HTRA2: variants seen among roughly 807,000 people sequenced by gnomAD.
HTRA2 encodes the protein serine protease HTRA2, mitochondrial.
Under a neutral mutation model 42.2 loss-of-function variants are expected in HTRA2, and 24 were observed. The observed-to-expected ratio is 0.57, with a 90% CI of 0.41 to 0.80. HTRA2 has a LOEUF of 0.80. HTRA2 is among the 30% of genes least tolerant of loss of function. HTRA2 has a pLI of 0.00. For missense variants in HTRA2, 466 were observed against 613.5 expected, an observed-to-expected ratio of 0.76 and a Z score of 2.54; for synonymous variants, 245 against 255.8, an observed-to-expected ratio of 0.96 and a Z score of 0.40.
At chr2:74,532,793 T>C in intron 7 of HTRA2, 27 bp from the exon 8 acceptor site, 2 of 1,614,102 alleles carry the variant, frequency 1.2e-6, no homozygotes, top group Non-Finnish European at 8.5e-7. Context: ...TACTCCTTCC[T>C]TTCTCTCTGT....
At chr2:74,531,269 A>G (rs750429164) in intron 3 of HTRA2, 70 bp from the exon 4 acceptor site, 38 of 1,582,216 alleles carry the variant, frequency 2.4e-5, no homozygotes, top group Non-Finnish European at 3.3e-5. Context: ...TGGAGAAAGT[A>G]CCTACATCCT....
At position 74,530,448 on chromosome 2, in the gene HTRA2, A is replaced by G; in HGVS notation, c.442A>G (p.Asn148Asp). The stretch of plus-strand genomic sequence containing the variant: ...GCCCGCTTCTCCCCGGAGTCAGTAC[A>G]ACTTCATCGCAGATGTGGTGGAGAA... ...PPPASPRSQYNFIADVVEKTA... is the reference protein window; with the variant it reads ...PPPASPRSQYDFIADVVEKTA... Residue 148 changes from asparagine to aspartate, a missense_variant, in exon 1 of 8, where the codon AAC becomes GAC. Transcript: ENST00000258080. This position sits in a 1 kb window ranked among gnomAD's most constrained non-coding sequence, Gnocchi z 7.4. 5 of 1,606,312 alleles carry G rather than the reference A, an allele frequency of 3.1e-6. No homozygotes were observed. The highest frequency in any genetic ancestry group is 4.2e-6 in the Non-Finnish European group (5 of 1,179,906).
Position 74,532,922 on chromosome 2 carries a change from A to G in HTRA2, c.1314A>G (p.Ala438=). The change falls in exon 8 of 8, where the codon GCA becomes GCG. Residue 438 remains alanine, a synonymous_variant. Coordinates refer to ENST00000258080, the MANE Select transcript of HTRA2 (RefSeq NM_013247.5). ...YEAVRTQSQL[A]VQIRRGRETL... ...CTGTTCGAACCCAATCCCAGTTGGC[A>G]GTGCAGATCCGGCGGGGACGAGAAA... 6.2e-7 allele frequency: 1 copy of G among 1,614,148 alleles called. No individual in the cohort carries two copies. Among genetic ancestry groups the G allele is most frequent in the Non-Finnish European group, 8.5e-7 (1 of 1,180,020 alleles).
chr2:74,529,652 G>GGCCGTC (rs1675425536), upstream of HTRA2: 3 of 1,548,066 alleles, frequency 1.9e-6, no homozygotes, highest in African/African-American at 2.7e-5. Flanking sequence ...AGGAGCGCCC[G>GGCCGTC]GCCGTCGCCG....
intron 6 of HTRA2, 71 bp downstream of exon 6, chr2:74,531,996 T>C: frequency 1.4e-6 from 2 of 1,381,336 alleles, no homozygotes; most frequent in South Asian, 2.4e-5. Context: ...TATTGAGCTT[T>C]GTTCTCATTT....
downstream of HTRA2, chr2:74,533,453 G>A (rs923782913): frequency 3.1e-6 from 2 of 651,072 alleles, no homozygotes; most frequent in African/African-American, 3.6e-5. Flanking sequence ...TCTGAAGGAG[G>A]GTGAAAACTT....
At chr2:74,531,142 G>A in intron 3 of HTRA2, 37 bp downstream of exon 3, 1 of 1,604,664 alleles carries the variant, frequency 6.2e-7, no homozygotes, top group Non-Finnish European at 8.5e-7. Context: ...AAATGATGGG[G>A]GAGGGGGGAG....
rs1363537856 is a variant in HTRA2 at position 74,531,693 on chromosome 2, G to A, written c.1036G>A (p.Glu346Lys). The change falls in exon 5 of 8, where the codon GAA (glutamate) becomes AAA (lysine). Residue 346 changes from glutamate (E) to lysine (K), a missense_variant. Glu to Lys is a moderately conservative substitution (Grantham distance 56). Transcript: ENST00000258080. ...DRLREFLHRGEKKNSSSGISG... is the reference protein window; with the variant it reads ...DRLREFLHRGKKKNSSSGISG... ...TCTTCGAGAGTTTCTGCATCGTGGGGAAAAGAAGAGTGAGCCTGCCTTATG... is the reference window on the plus strand; with the variant it reads ...TCTTCGAGAGTTTCTGCATCGTGGGAAAAAGAAGAGTGAGCCTGCCTTATG... The A allele has an allele frequency of 6.2e-7, 1 of 1,614,074 alleles. No homozygotes were observed. Among genetic ancestry groups the A allele is most frequent in the Admixed American group, 1.7e-5 (1 of 60,024 alleles).
Position 74,530,010 on chromosome 2 carries a change from G to T in HTRA2, c.4G>T (p.Ala2Ser). ...GGAGGCAGCCAAGGCGGAGCTGATGGCTGCGCCGAGGGCGGGGCGGGGTGC... is the reference window on the plus strand; with the variant it reads ...GGAGGCAGCCAAGGCGGAGCTGATGTCTGCGCCGAGGGCGGGGCGGGGTGC... MAAPRAGRGAGW... is the reference protein window; with the variant it reads MSAPRAGRGAGW... Residue 2 changes from alanine (A) to serine (S), a missense_variant, in exon 1 of 8, where the codon GCT becomes TCT. This residue lies in a region of HTRA2 where 222 missense variants were observed against 205.1 expected (regional missense o/e 1.08). Transcript: ENST00000258080. The surrounding 1 kb of genome is among the most constrained non-coding windows in gnomAD (Gnocchi z 7.4). 1 of 1,537,256 alleles carries T rather than the reference G, an allele frequency of 6.5e-7. No individual in the cohort carries two copies. Among genetic ancestry groups the T allele is most frequent in the Non-Finnish European group, 8.8e-7 (1 of 1,138,142 alleles).
In HTRA2 at chr2:74,532,662, G is replaced by A; in HGVS notation, c.1159G>A (p.Val387Ile). Residue 387 changes from valine (V) to isoleucine (I), a missense_variant, in exon 7 of 8, where the codon GTT becomes ATT. Val to Ile is a conservative substitution (Grantham distance 29). This residue lies in a region of HTRA2 where 129 missense variants were observed against 163.1 expected (regional missense o/e 0.79). Transcript: ENST00000258080. ...LQLREPSFPD[V>I]QHGVLIHKVI... ...GCTTCGAGAACCAAGCTTTCCCGAT[G>A]TTCAGCATGGTGTACTCATCCATAA... The A allele has an allele frequency of 6.2e-7, 1 of 1,613,792 alleles. No homozygotes were observed.
At position 74,533,279 on chromosome 2, in the gene HTRA2, G is replaced by A. The variant is rs1675759022; in HGVS notation, c.*294G>A. ...TAAACTTAGGGGAGATACTGGAGCT[G>A]ACCATCCTGACCTCCTATTAAAGAA... On this transcript the variant is annotated 3_prime_UTR_variant, in exon 8 of 8. Coordinates refer to ENST00000258080, the MANE Select transcript of HTRA2 (RefSeq NM_013247.5). 1.9e-6 allele frequency: 1 copy of A among 535,204 alleles called. No homozygotes were observed. Among genetic ancestry groups the A allele is most frequent in the Non-Finnish European group, 3.3e-6 (1 of 300,888 alleles). The allele number at this position is 535,204 out of a possible 1,614,324, so 33.2% of individuals were successfully genotyped here.
chr2:74,532,919 G>C lies in HTRA2; in HGVS notation c.1311G>C (p.Leu437Phe). Reference protein sequence around the residue: ...VYEAVRTQSQLAVQIRRGRET... With the variant: ...VYEAVRTQSQFAVQIRRGRET... The stretch of plus-strand genomic sequence containing the variant: ...AAGCTGTTCGAACCCAATCCCAGTT[G>C]GCAGTGCAGATCCGGCGGGGACGAG... The change falls in exon 8 of 8, where the codon TTG becomes TTC. Residue 437 changes from leucine (L) to phenylalanine (F), a missense_variant. By Grantham distance (22) the Leu-to-Phe change is conservative. This residue lies in a region of HTRA2 where 129 missense variants were observed against 163.1 expected (regional missense o/e 0.79). Coordinates refer to ENST00000258080, the MANE Select transcript of HTRA2 (RefSeq NM_013247.5). 1 of 1,614,098 alleles carries C rather than the reference G, an allele frequency of 6.2e-7. No homozygotes were observed. The highest frequency in any genetic ancestry group is 8.5e-7 in the Non-Finnish European group (1 of 1,180,012).
rs757738646 is a variant in HTRA2 at position 74,531,716 on chromosome 2, A to T, written c.1045+14A>T. 3 of 1,613,742 alleles carry T rather than the reference A, an allele frequency of 1.9e-6. No individual in the cohort carries two copies. Among genetic ancestry groups the T allele is most frequent in the Non-Finnish European group, 1.7e-6 (2 of 1,180,004 alleles). On this transcript the variant is annotated intron_variant, in intron 5 of 7. Transcript: ENST00000258080. ...GGGAAAAGAAGAGTGAGCCTGCCTT[A>T]TGGGGAAACGGGTTCCTTTAATGTG... is the stretch of plus-strand genomic sequence containing the variant.
Position 74,533,319 on chromosome 2 carries a change from A to G in HTRA2, c.*334A>G, listed in dbSNP as rs1675762643. 5.7e-6 allele frequency: 3 copies of G among 530,676 alleles called. No individual in the cohort carries two copies. Among genetic ancestry groups the G allele is most frequent in the South Asian group, 2.3e-5 (1 of 44,244 alleles). 32.9% of individuals were successfully genotyped at this position (530,676 alleles called of 1,614,324 possible). ...CTATTAAAGAAAATGAGCTGCTGCCATCTTTTGTGGGCAGTTAGTCAGGTG... is the reference window on the plus strand; with the variant it reads ...CTATTAAAGAAAATGAGCTGCTGCCGTCTTTTGTGGGCAGTTAGTCAGGTG... On this transcript the variant is annotated 3_prime_UTR_variant, in exon 8 of 8. Transcript: ENST00000258080.
At chr2:74,532,523 A>G (rs1204099658) in intron 6 of HTRA2, 96 bp from the exon 7 acceptor site, 13 of 917,134 alleles carry the variant, frequency 1.4e-5, no homozygotes, top group Non-Finnish European at 2.1e-5. Context: ...TGTCCTGTCC[A>G]TATATTTATC....
In HTRA2 at chr2:74,530,574, G is replaced by A; in HGVS notation, c.507-43G>A. 1 of 1,613,758 alleles carries A rather than the reference G, an allele frequency of 6.2e-7. No individual in the cohort carries two copies. Among genetic ancestry groups the A allele is most frequent in the Non-Finnish European group, 8.5e-7 (1 of 1,180,024 alleles). On this transcript the variant is annotated intron_variant, in intron 1 of 7. Coordinates refer to ENST00000258080, the MANE Select transcript of HTRA2 (RefSeq NM_013247.5). This position sits in a 1 kb window ranked among gnomAD's most constrained non-coding sequence, Gnocchi z 7.4. ...CAGGCTGGAGGGCGGGCGGGTAGGAGGGGTCAGAGCCTCCTCTTATCTGTG... is the reference window on the plus strand; with the variant it reads ...CAGGCTGGAGGGCGGGCGGGTAGGAAGGGTCAGAGCCTCCTCTTATCTGTG...
chr2:74,530,411 C>T lies in HTRA2; in HGVS notation c.405C>T (p.Val135=), dbSNP rs748921972. 13 of 1,599,654 alleles carry T rather than the reference C, an allele frequency of 8.1e-6. No individual in the cohort carries two copies. The highest frequency in any genetic ancestry group is 8.5e-6 in the Non-Finnish European group (10 of 1,176,878). Residue 135 remains valine (V), a synonymous_variant, in exon 1 of 8, where the codon GTC becomes GTT. Coordinates refer to ENST00000258080, the MANE Select transcript of HTRA2 (RefSeq NM_013247.5). This position sits in a 1 kb window ranked among gnomAD's most constrained non-coding sequence, Gnocchi z 7.4. ...GRGPPAVLAA[V]PSPPPASPRS... is the part of the protein sequence containing the mutation. The stretch of plus-strand genomic sequence containing the variant: ...GTCCTCCGGCCGTCCTCGCCGCCGT[C>T]CCTAGCCCGCCGCCCGCTTCTCCCC...
intron 3 of HTRA2, 71 bp downstream of exon 3, chr2:74,531,176 C>A: frequency 6.4e-6 from 10 of 1,559,802 alleles, no homozygotes; most frequent in Non-Finnish European, 8.8e-6. Flanking sequence ...CAAGCACCAA[C>A]TGATATATGG....
chr2:74,529,727 C>T, upstream of HTRA2: 7 of 1,525,030 alleles, frequency 4.6e-6, no homozygotes, highest in Non-Finnish European at 6.1e-6. Context: ...GGCATCCGCC[C>T]GGGGTGAGGG....
Sources: allele counts gnomAD v4.1 joint callset, GRCh38; gene constraint gnomAD v4.1.1; regional missense constraint gnomAD v4.1.1; non-coding constraint Gnocchi (gnomAD v3.1); transcripts MANE v1.5; gene names NCBI Gene and HGNC (gene_info 2026-07-23, HGNC 2026-07-21).